Variants in DCAF8L2 observed in about 807,000 individuals in gnomAD.
The protein encoded by DCAF8L2 is DDB1 and CUL4 associated factor 8 like 2.
For synonymous variants in DCAF8L2, 200 were observed against 190.9 expected (o/e 1.05, Z -0.39); for missense variants, 430 against 490.7 (o/e 0.88, Z 1.17).
intron 4 of DCAF8L2, among the ~76,000 whole-genome samples, chrX:27,723,807 A>T (rs1230808582): frequency 2.7e-5 from 3 of 111,540 alleles, no homozygotes; most frequent in Non-Finnish European, 5.7e-5. Context: ...CTGTAAATAA[A>T]CCATGTGTAT....
At chrX:27,682,328 G>T (rs1205162809) in intron 3 of DCAF8L2, among the ~76,000 whole-genome samples, 1 of 111,507 alleles carries the variant, frequency 9.0e-6, no homozygotes, top group African/African-American at 3.3e-5. Context: ...TCAAATTGAT[G>T]ATATATTTAG....
At chrX:27,488,075 A>G in the DCAF8L2 span, among the ~76,000 whole-genome samples, 2 of 112,135 alleles carry the variant, frequency 1.8e-5, no homozygotes, top group East Asian at 5.6e-4. Context: ...CAATTTTCCA[A>G]ACAATTTTCC....
rs771717784 is a variant in DCAF8L2 at position 27,657,137 on chromosome X, G to A, written c.-219-20699G>A. Among the ~76,000 whole-genome samples the A allele has an allele frequency of 3.6e-5, 4 of 111,171 alleles. No homozygotes were observed. The South Asian group carries it at 1.5e-3, about 43-fold the overall frequency. On this transcript the variant is annotated intron_variant, in intron 2 of 4. Transcript: ENST00000451261. ...CTCCTCAGCTTGCAGAGAGCCTATT[G>A]TGGGACCATATGATCATGTGAGTTA...
At chrX:27,541,808 C>T in the DCAF8L2 span, among the ~76,000 whole-genome samples, 1 of 111,267 alleles carries the variant, frequency 9.0e-6, no homozygotes, top group Non-Finnish European at 1.9e-5. Context: ...GAGCACAGTA[C>T]CAAATAGGTT....
chrX:27,558,718 C>T, the DCAF8L2 span, among the ~76,000 whole-genome samples: 1 of 107,315 alleles, frequency 9.3e-6, no homozygotes, highest in Non-Finnish European at 1.9e-5. Flanking sequence ...ACCAACTCGT[C>T]ATCTAGCATT....
At chrX:27,606,762 C>G (rs776183687) in intron 1 of DCAF8L2, among the ~76,000 whole-genome samples, 1 of 110,983 alleles carries the variant, frequency 9.0e-6, no homozygotes, top group African/African-American at 3.3e-5. Context: ...GAGTACATCA[C>G]ACTTCTAGTG....
At chrX:27,495,186 T>C in the DCAF8L2 span, among the ~76,000 whole-genome samples, 1 of 112,103 alleles carries the variant, frequency 8.9e-6, no homozygotes, top group South Asian at 3.7e-4. Flanking sequence ...TTGAATTGTC[T>C]TGGAATCTTT....
At chrX:27,493,909 GT>G in the DCAF8L2 span, among the ~76,000 whole-genome samples, 6 of 110,168 alleles carry the variant, frequency 5.4e-5, no homozygotes, top group African/African-American at 2.0e-4. Flanking sequence ...TTTTTAGGAT[GT>G]TTAGCACTGT....
chrX:27,614,961 C>T (rs904808499), intron 1 of DCAF8L2, among the ~76,000 whole-genome samples: 1 of 111,234 alleles, frequency 9.0e-6, no homozygotes, highest in Non-Finnish European at 1.9e-5. Context: ...CACAATGATA[C>T]AAAAGGCTGC....
chrX:27,598,364 C>T (rs939343746), intron 1 of DCAF8L2, among the ~76,000 whole-genome samples: 2 of 112,378 alleles, frequency 1.8e-5, no homozygotes, highest in Middle Eastern at 4.7e-3. Flanking sequence ...ACCCAACCCC[C>T]CCGAGGGGAT....
intron 3 of DCAF8L2, among the ~76,000 whole-genome samples, chrX:27,702,723 C>T (rs1191326534): frequency 9.0e-6 from 1 of 111,131 alleles, no homozygotes; most frequent in Non-Finnish European, 1.9e-5. Flanking sequence ...TAAAAAGCAT[C>T]TAATAAAAAT....
the DCAF8L2 span, among the ~76,000 whole-genome samples, chrX:27,526,363 T>A: frequency 9.0e-6 from 1 of 111,296 alleles, no homozygotes; most frequent in South Asian, 3.7e-4. Context: ...CGTGCCATGG[T>A]TTTTAGCTCC....
chrX:27,610,972 A>G (rs1335527114), intron 1 of DCAF8L2, among the ~76,000 whole-genome samples: 2 of 112,518 alleles, frequency 1.8e-5, no homozygotes, highest in African/African-American at 6.5e-5. Context: ...GAAAAAAAAC[A>G]TCAGTAACGA....
At chrX:27,593,226 C>T (rs1926202584) in intron 1 of DCAF8L2, among the ~76,000 whole-genome samples, 1 of 111,950 alleles carries the variant, frequency 8.9e-6, no homozygotes, top group Admixed American at 9.5e-5. Flanking sequence ...ACACAACTCC[C>T]TTTGCCCTTC....
chrX:27,589,900 T>G (rs1241577810), upstream of DCAF8L2, among the ~76,000 whole-genome samples: 1 of 111,932 alleles, frequency 8.9e-6, no homozygotes, highest in Non-Finnish European at 1.9e-5. Context: ...TATTACCATA[T>G]CTACCATTAG....
intron 3 of DCAF8L2, among the ~76,000 whole-genome samples, chrX:27,707,574 T>C (rs1164736897): frequency 8.9e-6 from 1 of 111,842 alleles, no homozygotes; most frequent in Admixed American, 9.5e-5. Context: ...TAAATTATAG[T>C]TCTGTAAACT....
At chrX:27,717,065 G>A (rs1426305792) in intron 4 of DCAF8L2, among the ~76,000 whole-genome samples, 4 of 111,964 alleles carry the variant, frequency 3.6e-5, no homozygotes, top group East Asian at 2.8e-4. Flanking sequence ...ACATGATCTC[G>A]TTCCTTTTTA....
At chrX:27,606,681 A>G (rs1926922643) in intron 1 of DCAF8L2, among the ~76,000 whole-genome samples, 3 of 109,458 alleles carry the variant, frequency 2.7e-5, no homozygotes, top group African/African-American at 1.0e-4. Context: ...AATTCCTAGT[A>G]GTATATTTTT....
At chrX:27,723,637 A>G in intron 4 of DCAF8L2, among the ~76,000 whole-genome samples, 1 of 111,111 alleles carries the variant, frequency 9.0e-6, no homozygotes, top group Non-Finnish European at 1.9e-5. Flanking sequence ...AATGGTGCAA[A>G]TCCTATCCAG....
Sources: gnomAD v4.1 joint callset for allele counts (sites outside exome capture counted in the v4.1 genomes callset) on GRCh38, gnomAD v4.1.1 for gene constraint, MANE v1.5 for transcripts, NCBI Gene and HGNC (gene_info 2026-07-23, HGNC 2026-07-21) for gene names.